The following MATN2 variants were observed in gnomAD, a reference collection of about 807,000 sequenced individuals.
MATN2 encodes matrilin-2.
A neutral mutation model predicts 103.2 loss-of-function variants in MATN2; 69 were observed. That is an observed-to-expected ratio of 0.67 (90% CI 0.55 to 0.82). The LOEUF is 0.82. Ranked by LOEUF, MATN2 falls within the 40% of genes least tolerant of loss-of-function variation. The probability of loss-of-function intolerance (pLI) is 0.00; values close to 1 mark genes in which losing one functional copy is unlikely to be tolerated. For missense variants in MATN2, 1,023 were observed against 1,211.5 expected, an observed-to-expected ratio of 0.84 and a Z score of 2.31; for synonymous variants, 429 against 450.2, an observed-to-expected ratio of 0.95 and a Z score of 0.60.
chr8:98,024,358 G>A (rs943493324), intron 13 of MATN2, among the ~76,000 whole-genome samples: 3 of 152,052 alleles, frequency 2.0e-5, no homozygotes, highest in African/African-American at 7.2e-5. Flanking sequence ...TACAAAAAGT[G>A]TCCAGGTATG....
chr8:98,017,507 T>G (rs1402255639), intron 11 of MATN2, among the ~76,000 whole-genome samples: 1 of 152,232 alleles, frequency 6.6e-6, no homozygotes, highest in Admixed American at 6.5e-5. Flanking sequence ...GAGCAACTCA[T>G]GTTGACACTT....
intron 3 of MATN2, among the ~76,000 whole-genome samples, chr8:97,937,776 GC>G (rs1586066758): frequency 6.6e-6 from 1 of 151,702 alleles, no homozygotes; most frequent in African/African-American, 2.4e-5. Context: ...ATGGGATTTT[GC>G]CATGTTGGCC....
chr8:97,888,452 C>A (rs1265159074), intron 2 of MATN2, among the ~76,000 whole-genome samples: 1 of 152,164 alleles, frequency 6.6e-6, no homozygotes, highest in Non-Finnish European at 1.5e-5. Context: ...TCTTTGAAGC[C>A]TTTAATTGAA....
intron 7 of MATN2, among the ~76,000 whole-genome samples, chr8:97,994,969 T>C (rs755950466): frequency 1.3e-5 from 2 of 152,196 alleles, no homozygotes; most frequent in Admixed American, 6.5e-5. Flanking sequence ...TCCTACAAGA[T>C]AAGACACTTG....
intron 3 of MATN2, among the ~76,000 whole-genome samples, chr8:97,938,304 G>T (rs1284825603): frequency 6.6e-6 from 1 of 152,214 alleles, no homozygotes; most frequent in Non-Finnish European, 1.5e-5. Context: ...CAAATTAAAA[G>T]TGGGATAATG....
chr8:97,978,864 G>A (rs1379198564), intron 5 of MATN2, 22 bp from the exon 6 acceptor site: 1 of 1,613,278 alleles, frequency 6.2e-7, no homozygotes, highest in South Asian at 1.1e-5. Context: ...TTCTAATTCT[G>A]AATGTGTTTT....
intron 2 of MATN2, among the ~76,000 whole-genome samples, chr8:97,891,497 C>G (rs902928521): frequency 7.2e-5 from 11 of 152,146 alleles, no homozygotes; most frequent in African/African-American, 2.7e-4. Flanking sequence ...GACACTACGC[C>G]TGGCTAATTT....
intron 2 of MATN2, among the ~76,000 whole-genome samples, chr8:97,905,363 A>C (rs1310675077): frequency 1.3e-5 from 2 of 152,228 alleles, no homozygotes; most frequent in Non-Finnish European, 2.9e-5. Context: ...GAAACTCTGT[A>C]AATAATGAAG....
chr8:97,988,167 A>ATATATATAT (rs1187704584), intron 6 of MATN2, among the ~76,000 whole-genome samples: 1 of 59,366 alleles, frequency 1.7e-5, no homozygotes, highest in Admixed American at 1.8e-4. Context: ...AAAAAAAAAA[A>ATATATATAT]AAAAATATAT....
intron 13 of MATN2, among the ~76,000 whole-genome samples, chr8:98,023,816 T>A (rs1277014488): frequency 1.3e-5 from 2 of 151,970 alleles, no homozygotes; most frequent in African/African-American, 2.4e-5. Context: ...ATAGACTGGA[T>A]AAAGAAAATG....
At chr8:97,915,234 C>T (rs1422839427) in intron 2 of MATN2, among the ~76,000 whole-genome samples, 1 of 152,096 alleles carries the variant, frequency 6.6e-6, no homozygotes, top group African/African-American at 2.4e-5. Flanking sequence ...TCAGGCAGTC[C>T]TCCTGCCTTA....
Position 98,007,138 on chromosome 8 carries a change from G to C in MATN2, c.1361G>C (p.Cys454Ser), listed in dbSNP as rs1330597156. ...CACTGTGCACAGCAGGACCATGGCT[G>C]TGAGCAGCTGTGTCTGAACACGGAG... ...VDHCAQQDHGCEQLCLNTEDS... is the reference protein window; with the variant it reads ...VDHCAQQDHGSEQLCLNTEDS... The change falls in exon 9 of 19, where the codon TGT (cysteine) becomes TCT (serine). Residue 454 changes from cysteine to serine, a missense_variant. Physicochemically the swap from Cys to Ser is moderately radical, Grantham distance 112 (BLOSUM62 -1). Transcript: ENST00000254898. This position sits in a 1 kb window ranked among gnomAD's most constrained non-coding sequence, Gnocchi z 4.2. 2 of 1,612,746 alleles carry C rather than the reference G, an allele frequency of 1.2e-6. No individual in the cohort carries two copies. Among genetic ancestry groups the C allele is most frequent in the Non-Finnish European group, 1.7e-6 (2 of 1,179,412 alleles).
At chr8:97,872,178 T>C (rs942720113) in intron 1 of MATN2, among the ~76,000 whole-genome samples, 1 of 152,184 alleles carries the variant, frequency 6.6e-6, no homozygotes, top group East Asian at 1.9e-4. Flanking sequence ...GTTGTAAGGG[T>C]TAAATGAAAT....
intron 5 of MATN2, among the ~76,000 whole-genome samples, chr8:97,964,517 C>T (rs1234896861): frequency 6.7e-6 from 1 of 149,948 alleles, no homozygotes; most frequent in Non-Finnish European, 1.5e-5. Context: ...CACAGCTTTG[C>T]AGCCTCGACC....
chr8:97,920,698 C>T (rs996382766), intron 2 of MATN2, among the ~76,000 whole-genome samples: 6 of 152,110 alleles, frequency 3.9e-5, no homozygotes, highest in African/African-American at 1.4e-4. Flanking sequence ...GTGGTGTGTG[C>T]CTGTAGTCCC....
chr8:98,030,268 C>T (rs369169795), intron 14 of MATN2, among the ~76,000 whole-genome samples, 194 bp from the exon 15 acceptor site: 1 of 152,178 alleles, frequency 6.6e-6, no homozygotes, highest in Non-Finnish European at 1.5e-5. Context: ...AGATGCCTCA[C>T]TTCTCTCTTG....
intron 2 of MATN2, among the ~76,000 whole-genome samples, chr8:97,922,428 C>A (rs1332696672): frequency 6.6e-6 from 1 of 152,142 alleles, no homozygotes; most frequent in Non-Finnish European, 1.5e-5. Context: ...AGAATGTTAG[C>A]CTTTATAGTC....
At chr8:97,919,689 AG>A (rs1372075240) in intron 2 of MATN2, among the ~76,000 whole-genome samples, 5 of 151,926 alleles carry the variant, frequency 3.3e-5, no homozygotes, top group African/African-American at 1.2e-4. Context: ...CCCACCCACA[AG>A]CTTTACCTGG....
chr8:97,937,508 C>A (rs896039640), intron 3 of MATN2, among the ~76,000 whole-genome samples: 1 of 151,012 alleles, frequency 6.6e-6, no homozygotes. Flanking sequence ...GGCACATGGC[C>A]AAAATAAGCC....
Sources: allele counts gnomAD v4.1 joint callset (sites outside exome capture counted in the v4.1 genomes callset), GRCh38; gene constraint gnomAD v4.1.1; non-coding constraint Gnocchi (gnomAD v3.1); transcripts MANE v1.5; gene names NCBI Gene and HGNC (gene_info 2026-07-23, HGNC 2026-07-21).